IMMP2L: variants seen among roughly 807,000 people sequenced by gnomAD.
The protein encoded by IMMP2L is inner mitochondrial membrane peptidase subunit 2.
Under a neutral mutation model 19.3 loss-of-function variants are expected in IMMP2L, and 18 were observed. That is an observed-to-expected ratio of 0.93 (90% CI 0.64 to 1.38). The LOEUF is 1.38. Among genes scored for constraint, IMMP2L ranks in the 40% most tolerant of loss-of-function variants. The pLI, the probability that IMMP2L is intolerant of heterozygous loss-of-function variation, is 0.00. For missense variants in IMMP2L, 233 were observed against 218.2 expected, an observed-to-expected ratio of 1.07 and a Z score of -0.43; for synonymous variants, 76 against 73.0, an observed-to-expected ratio of 1.04 and a Z score of -0.21.
intron 3 of IMMP2L, among the ~76,000 whole-genome samples, chr7:110,984,341 A>T (rs961499984): frequency 2.0e-5 from 3 of 152,004 alleles, no homozygotes; most frequent in African/African-American, 7.2e-5. Flanking sequence ...AATCTGTAAA[A>T]GCAGACTCCC....
At position 111,123,685 on chromosome 7, in the gene IMMP2L, G is replaced by A. The variant is rs1800930480; in HGVS notation, c.240-160120C>T. On this transcript the variant is annotated intron_variant, in intron 3 of 5. Transcript: ENST00000405709. This position sits in a 1 kb window ranked among gnomAD's most constrained non-coding sequence, Gnocchi z 6.4. ...GCTGATTTCCATCGATAGTCTTGCT[G>A]TGGATAACCTGCCAGATTTAAGAAA... 1.2e-6 allele frequency: 2 copies of A among 1,613,918 alleles called. No homozygotes were observed. Among genetic ancestry groups the A allele is most frequent in the Non-Finnish European group, 8.5e-7 (1 of 1,179,962 alleles).
chr7:110,850,972 C>T (rs1385015117), intron 5 of IMMP2L, among the ~76,000 whole-genome samples: 1 of 151,624 alleles, frequency 6.6e-6, no homozygotes, highest in Non-Finnish European at 1.5e-5. Flanking sequence ...GATTAATAAC[C>T]ATGTAAAAAT....
At chr7:111,122,068 G>A (rs1389177723) in intron 3 of IMMP2L, among the ~76,000 whole-genome samples, 12 of 144,218 alleles carry the variant, frequency 8.3e-5, no homozygotes, top group Non-Finnish European at 1.1e-4. Flanking sequence ...ATCACACACC[G>A]GGGCCTGTTG....
chr7:110,700,820 C>G lies in IMMP2L; in HGVS notation c.409-37099G>C, dbSNP rs548123275. Among the ~76,000 whole-genome samples the G allele has an allele frequency of 4.6e-5, 7 of 152,192 alleles. No individual in the cohort carries two copies. The South Asian group carries it at 1.4e-3, about 32-fold the overall frequency. On this transcript the variant is annotated intron_variant, in intron 5 of 5. Transcript: ENST00000405709. ...ATAAAAGCAAATTCAGTATTAAATG[C>G]TTATTAATGTGGCCATGATACTAGT...
At chr7:110,769,187 TGTTA>T (rs1798875442) in intron 5 of IMMP2L, among the ~76,000 whole-genome samples, 1 of 152,196 alleles carries the variant, frequency 6.6e-6, no homozygotes, top group Non-Finnish European at 1.5e-5. Flanking sequence ...GCTCTTTCCT[TGTTA>T]TTTTCGTTAC....
Position 111,561,882 on chromosome 7 carries a change from G to A in IMMP2L, c.-34C>T, listed in dbSNP as rs907731858. 1 of 152,558 alleles carries A rather than the reference G, an allele frequency of 6.6e-6. No individual in the cohort carries two copies. The highest frequency in any genetic ancestry group is 2.4e-5 in the African/African-American group (1 of 41,428). 9.5% of individuals were successfully genotyped at this position (152,558 alleles called of 1,614,324 possible). A position where few individuals can be genotyped will look rare whatever the true frequency, so the allele number is the denominator to read the frequency against. ...TCCCGCTCTTCCTCGGTGAGAAGGG[G>A]TAAGTGGTTATTTTGTGCCCTCGCC... On this transcript the variant is annotated 5_prime_UTR_variant, in exon 1 of 6. Transcript: ENST00000405709.
chr7:111,280,369 A>G lies in IMMP2L; in HGVS notation c.239+206869T>C, dbSNP rs572413657. Among the ~76,000 whole-genome samples the G allele has an allele frequency of 2.0e-5, 3 of 152,092 alleles. No homozygotes were observed. The South Asian group carries it at 6.2e-4, about 32-fold the overall frequency. ...CCTCAGATGTCTTCACTCTTCACCT[A>G]CCTAAGGTGGTCTCTTAAGTTATCC... is the stretch of plus-strand genomic sequence containing the variant. On this transcript the variant is annotated intron_variant, in intron 3 of 5. Coordinates refer to ENST00000405709, the MANE Select transcript of IMMP2L (RefSeq NM_032549.4).
At chr7:111,357,268 C>A (rs1200597761) in intron 3 of IMMP2L, among the ~76,000 whole-genome samples, 1 of 152,124 alleles carries the variant, frequency 6.6e-6, no homozygotes, top group Non-Finnish European at 1.5e-5. Flanking sequence ...CAGCAATGAT[C>A]CCTTAGAGGC....
At chr7:111,441,053 A>G (rs62464574) in intron 3 of IMMP2L, among the ~76,000 whole-genome samples, 11,761 of 151,984 alleles carry the variant, frequency 0.077, 653 homozygotes, top group Non-Finnish European at 0.11. Context: ...CTTGCTCTAC[A>G]TTAAGCTTTG....
chr7:111,225,691 C>CAAAAAAAAAAAAAAAAAAAAAAAAAAAAA (rs36112021), intron 3 of IMMP2L, among the ~76,000 whole-genome samples: 1 of 112,648 alleles, frequency 8.9e-6, no homozygotes. Flanking sequence ...GAGATAGAGC[C>CAAAAAAAAAAAAAAAAAAAAAAAAAAAAA]AAAAAAAAAA....
At chr7:110,723,127 A>G (rs892395737) in intron 5 of IMMP2L, among the ~76,000 whole-genome samples, 7 of 152,228 alleles carry the variant, frequency 4.6e-5, no homozygotes, top group African/African-American at 1.4e-4. Context: ...TAAGTAATAA[A>G]GAATAATGAA....
intron 5 of IMMP2L, among the ~76,000 whole-genome samples, chr7:110,804,447 T>C (rs1285983291): frequency 6.6e-6 from 1 of 151,998 alleles, no homozygotes; most frequent in Non-Finnish European, 1.5e-5. Flanking sequence ...CACCTATCAC[T>C]TGTGGGATTG....
At chr7:110,965,116 T>A (rs976637424) in intron 3 of IMMP2L, among the ~76,000 whole-genome samples, 1 of 152,074 alleles carries the variant, frequency 6.6e-6, no homozygotes, top group Non-Finnish European at 1.5e-5. Context: ...GGTAACTCTA[T>A]CTTAATATGG....
chr7:110,945,325 G>A (rs1817143992), intron 4 of IMMP2L, among the ~76,000 whole-genome samples: 1 of 151,982 alleles, frequency 6.6e-6, no homozygotes, highest in Non-Finnish European at 1.5e-5. Flanking sequence ...ATTGGCATGG[G>A]TAAGAAAGGG....
intron 3 of IMMP2L, among the ~76,000 whole-genome samples, chr7:111,223,831 G>C (rs1426190754): frequency 2.0e-5 from 3 of 152,022 alleles, no homozygotes. Context: ...TCAGGCCTTC[G>C]CTGAGACCAT....
chr7:111,455,020 T>C (rs1326262473), intron 3 of IMMP2L, among the ~76,000 whole-genome samples: 1 of 151,880 alleles, frequency 6.6e-6, no homozygotes, highest in Non-Finnish European at 1.5e-5. Context: ...AAAATATTAG[T>C]GGATGTCCTA....
chr7:110,985,900 C>A (rs1821807580), intron 3 of IMMP2L, among the ~76,000 whole-genome samples: 1 of 152,128 alleles, frequency 6.6e-6, no homozygotes, highest in African/African-American at 2.4e-5. Flanking sequence ...AGCAACTAAT[C>A]ACATTTACCA....
At chr7:111,329,633 G>C (rs910491747) in intron 3 of IMMP2L, among the ~76,000 whole-genome samples, 1 of 152,038 alleles carries the variant, frequency 6.6e-6, no homozygotes, top group South Asian at 2.1e-4. Context: ...AAGCCACCTT[G>C]CAAAGGCGTC....
intron 5 of IMMP2L, among the ~76,000 whole-genome samples, chr7:110,741,400 G>A (rs1584681548): frequency 6.6e-6 from 1 of 152,198 alleles, no homozygotes; most frequent in South Asian, 2.1e-4. Flanking sequence ...CAAGAAGTGG[G>A]CCTTTAGGAG....
Sources: allele counts gnomAD v4.1 joint callset (sites outside exome capture counted in the v4.1 genomes callset), GRCh38; gene constraint gnomAD v4.1.1; non-coding constraint Gnocchi (gnomAD v3.1); transcripts MANE v1.5; gene names NCBI Gene and HGNC (gene_info 2026-07-23, HGNC 2026-07-21).